NRXN3: variants seen among roughly 807,000 people sequenced by gnomAD.
NRXN3 encodes the protein neurexin III.
NRXN3 carries 32 observed loss-of-function variants against 137.6 expected under a neutral mutation model. That is an observed-to-expected ratio of 0.23 (90% confidence interval 0.18 to 0.31). NRXN3 has a LOEUF of 0.31. Among genes scored for constraint, NRXN3 ranks in the 10% least tolerant of loss-of-function variants. The pLI, the probability that NRXN3 is intolerant of heterozygous loss-of-function variation, is 1.00. For missense variants in NRXN3, 1,574 were observed against 2,062.5 expected (o/e 0.76, Z 4.59); for synonymous variants, 798 against 784.5 (o/e 1.02, Z -0.29).
chr14:79,531,251 A>G (rs1357918211), intron 16 of NRXN3, among the ~76,000 whole-genome samples: 1 of 152,178 alleles, frequency 6.6e-6, no homozygotes, highest in Non-Finnish European at 1.5e-5. Flanking sequence ...GCCCCATGTG[A>G]TCTCTAAGAA....
At chr14:79,536,511 C>G (rs919866299) in intron 16 of NRXN3, among the ~76,000 whole-genome samples, 1 of 150,920 alleles carries the variant, frequency 6.6e-6, no homozygotes, top group Non-Finnish European at 1.5e-5. Flanking sequence ...AGGTTTATTT[C>G]GTAGGTAAAT....
chr14:78,689,063 T>C (rs1168304702), intron 6 of NRXN3, among the ~76,000 whole-genome samples: 1 of 152,146 alleles, frequency 6.6e-6, no homozygotes, highest in Admixed American at 6.6e-5. Context: ...CTAAGAACTG[T>C]GGAATAAAGA....
At chr14:78,989,074 G>A (rs780775055) in intron 15 of NRXN3, among the ~76,000 whole-genome samples, 2 of 152,144 alleles carry the variant, frequency 1.3e-5, no homozygotes, top group African/African-American at 2.4e-5. Context: ...CTGAATAACC[G>A]TGGCAAAGAG....
chr14:78,738,348 A>T (rs1429617096), intron 8 of NRXN3, among the ~76,000 whole-genome samples: 2 of 152,164 alleles, frequency 1.3e-5, no homozygotes, highest in East Asian at 3.9e-4. Flanking sequence ...GTCCCCAAAG[A>T]TGTCAGCTCA....
At chr14:78,519,408 C>T (rs1379993297) in intron 4 of NRXN3, among the ~76,000 whole-genome samples, 1 of 152,104 alleles carries the variant, frequency 6.6e-6, no homozygotes, top group Non-Finnish European at 1.5e-5. Context: ...TATTCCATTC[C>T]ATGGATACTT....
At chr14:79,437,044 CCATGGTGCTTAGTAGCATG>C (rs2095856173) in intron 15 of NRXN3, among the ~76,000 whole-genome samples, 1 of 152,080 alleles carries the variant, frequency 6.6e-6, no homozygotes, top group Non-Finnish European at 1.5e-5. Flanking sequence ...AATCACTAAT[CCATGGTGCTTAGTAGCATG>C]TCAAAGGCCC....
intron 8 of NRXN3, among the ~76,000 whole-genome samples, chr14:78,775,617 G>T (rs1473920579): frequency 1.3e-5 from 2 of 152,186 alleles, no homozygotes; most frequent in Non-Finnish European, 2.9e-5. Context: ...GTGAGATAGG[G>T]TGGCCTGACA....
At chr14:79,552,679 T>G (rs1368882656) in intron 16 of NRXN3, among the ~76,000 whole-genome samples, 1 of 152,002 alleles carries the variant, frequency 6.6e-6, no homozygotes, top group Non-Finnish European at 1.5e-5. Context: ...TTAGAGGAGA[T>G]GAGTGGCCTG....
At chr14:78,506,585 T>A (rs1257886182) in intron 4 of NRXN3, among the ~76,000 whole-genome samples, 1 of 151,852 alleles carries the variant, frequency 6.6e-6, no homozygotes, top group Non-Finnish European at 1.5e-5. Context: ...TTGTTATCAG[T>A]TTTTTTGGAT....
At chr14:78,969,878 A>G (rs1486089184) in intron 14 of NRXN3, among the ~76,000 whole-genome samples, 3 of 150,170 alleles carry the variant, frequency 2.0e-5, no homozygotes, top group Non-Finnish European at 3.0e-5. Context: ...GGAGGTTGGG[A>G]ATCACTAAGC....
At chr14:78,814,793 T>A (rs1300720999) in intron 10 of NRXN3, among the ~76,000 whole-genome samples, 1 of 152,158 alleles carries the variant, frequency 6.6e-6, no homozygotes, top group African/African-American at 2.4e-5. Context: ...AGTGAAAGTA[T>A]GGAAAATGAC....
chr14:78,758,026 C>T (rs1330328336), intron 8 of NRXN3, among the ~76,000 whole-genome samples: 1 of 152,170 alleles, frequency 6.6e-6, no homozygotes, highest in Non-Finnish European at 1.5e-5. Context: ...TTCTTGCCCT[C>T]CCTCCCTGCA....
intron 16 of NRXN3, among the ~76,000 whole-genome samples, chr14:79,526,292 C>T (rs534991112): frequency 6.6e-6 from 1 of 152,268 alleles, no homozygotes; most frequent in Non-Finnish European, 1.5e-5. Context: ...GGTGATCTGC[C>T]TGCCTTGGCC....
intron 1 of NRXN3, among the ~76,000 whole-genome samples, chr14:78,228,783 T>C (rs2065008674): frequency 6.6e-6 from 1 of 152,136 alleles, no homozygotes; most frequent in Non-Finnish European, 1.5e-5. Flanking sequence ...TACCAGAACC[T>C]TGGGGCAGGG....
chr14:79,655,421 A>G (rs1180072653), intron 16 of NRXN3, among the ~76,000 whole-genome samples: 1 of 152,166 alleles, frequency 6.6e-6, no homozygotes, highest in African/African-American at 2.4e-5. Flanking sequence ...CTGGAACACA[A>G]TTTTAGATCA....
intron 4 of NRXN3, among the ~76,000 whole-genome samples, chr14:78,359,197 G>C (rs907340917): frequency 3.3e-5 from 5 of 152,086 alleles, no homozygotes; most frequent in Admixed American, 3.3e-4. Flanking sequence ...AGTACGCAGT[G>C]GTTCTCAACC....
intron 6 of NRXN3, among the ~76,000 whole-genome samples, chr14:78,672,787 G>A (rs990188458): frequency 2.6e-5 from 4 of 152,122 alleles, no homozygotes; most frequent in Non-Finnish European, 4.4e-5. Context: ...AGTATCTCAT[G>A]AAAGAAATGC....
At chr14:78,621,250 G>A (rs78149772) in intron 4 of NRXN3, among the ~76,000 whole-genome samples, 1,590 of 152,194 alleles carry the variant, frequency 0.01, 32 homozygotes, top group African/African-American at 0.037. Flanking sequence ...AAATAAGACA[G>A]CATTTTTCTT....
At chr14:79,298,126 C>T (rs761553726) in intron 15 of NRXN3, among the ~76,000 whole-genome samples, 2 of 151,758 alleles carry the variant, frequency 1.3e-5, no homozygotes, top group Non-Finnish European at 2.9e-5. Context: ...TCTGAAGCAC[C>T]AGGTAATTTT....
Sources: gnomAD v4.1 joint callset for allele counts (sites outside exome capture counted in the v4.1 genomes callset) on GRCh38, gnomAD v4.1.1 for gene constraint, MANE v1.5 for transcripts, NCBI Gene and HGNC (gene_info 2026-07-23, HGNC 2026-07-21) for gene names.